The following CRYBG1 variants were observed in gnomAD, a reference collection of about 807,000 sequenced individuals.
CRYBG1 encodes the protein crystallin beta-gamma domain containing 1, also known as beta/gamma crystallin domain-containing protein 1.
In CRYBG1, 139 loss-of-function variants were observed where a neutral mutation model predicts 189.2. The ratio of observed to expected loss-of-function variants is 0.73; its 90% CI spans 0.64 to 0.85. The LOEUF is 0.85. Among genes scored for constraint, CRYBG1 ranks in the 40% least tolerant of loss-of-function variants. The pLI is 0.00. For synonymous variants in CRYBG1, 1,023 were observed against 1,017.1 expected (o/e 1.01, Z -0.11); for missense variants, 2,611 against 2,675.8 (o/e 0.98, Z 0.53).
At chr6:106,451,520 A>T (rs531345008) in intron 1 of CRYBG1, 174 bp from the exon 2 acceptor site, 48 of 520,200 alleles carry the variant, frequency 9.2e-5, no homozygotes, top group Non-Finnish European at 1.4e-4. Context: ...TTTATTTATA[A>T]ATGTGCTATG....
At chr6:106,561,031 C>T in intron 19 of CRYBG1, 105 bp downstream of exon 19, 1 of 1,276,204 alleles carries the variant, frequency 7.8e-7, no homozygotes, top group South Asian at 1.5e-5. Context: ...TTATAACTGG[C>T]CTCACCCTAT....
At chr6:106,464,492 C>A (rs1275840813) in intron 2 of CRYBG1, among the ~76,000 whole-genome samples, 490 of 138,528 alleles carry the variant, frequency 3.5e-3, no homozygotes, top group Admixed American at 4.3e-3. Flanking sequence ...GACTTTGTCT[C>A]AAAAAAAAAA....
chr6:106,436,389 C>G (rs569833201), intron 1 of CRYBG1, among the ~76,000 whole-genome samples: 1 of 151,948 alleles, frequency 6.6e-6, no homozygotes, highest in African/African-American at 2.4e-5. Context: ...GGCTCCGCCT[C>G]CCGGGTTCAC....
chr6:106,467,155 T>C (rs1772131115), intron 2 of CRYBG1, among the ~76,000 whole-genome samples: 1 of 152,130 alleles, frequency 6.6e-6, no homozygotes, highest in South Asian at 2.1e-4. Context: ...AGAAAAATGG[T>C]GTTCCTGGTA....
chr6:106,445,461 A>T (rs1187427011), intron 1 of CRYBG1, among the ~76,000 whole-genome samples: 1 of 152,232 alleles, frequency 6.6e-6, no homozygotes, highest in Non-Finnish European at 1.5e-5. Flanking sequence ...TCCAACCCAG[A>T]CATTCTCCTT....
intron 8 of CRYBG1, among the ~76,000 whole-genome samples, 163 bp downstream of exon 8, chr6:106,530,478 C>T (rs1237377400): frequency 1.3e-5 from 2 of 152,030 alleles, no homozygotes; most frequent in Non-Finnish European, 2.9e-5. Flanking sequence ...GATTCTTTTG[C>T]ACCTATGTTA....
At chr6:106,505,338 C>A (rs1385005386) in intron 2 of CRYBG1, among the ~76,000 whole-genome samples, 1 of 152,124 alleles carries the variant, frequency 6.6e-6, no homozygotes, top group Non-Finnish European at 1.5e-5. Context: ...TCAGGATCTG[C>A]CCACCTTGGC....
chr6:106,427,220 A>T (rs909411957), intron 1 of CRYBG1, among the ~76,000 whole-genome samples: 3 of 152,070 alleles, frequency 2.0e-5, no homozygotes, highest in Non-Finnish European at 2.9e-5. Context: ...CCCAATATCC[A>T]TCTCTGTCTG....
intron 1 of CRYBG1, among the ~76,000 whole-genome samples, chr6:106,443,176 G>T (rs529174063): frequency 6.6e-6 from 1 of 152,264 alleles, no homozygotes; most frequent in Non-Finnish European, 1.5e-5. Context: ...CAGTTTTCTT[G>T]TATTTATAAC....
At chr6:106,447,256 A>G (rs1713858716) in intron 1 of CRYBG1, among the ~76,000 whole-genome samples, 1 of 152,178 alleles carries the variant, frequency 6.6e-6, no homozygotes, top group Non-Finnish European at 1.5e-5. Context: ...ATTTCTCATC[A>G]GGGAGCCAAG....
At chr6:106,492,349 C>T (rs1028507351) in intron 2 of CRYBG1, among the ~76,000 whole-genome samples, 1 of 152,116 alleles carries the variant, frequency 6.6e-6, no homozygotes, top group Non-Finnish European at 1.5e-5. Flanking sequence ...TTCCTATTTT[C>T]ATATTATGTT....
chr6:106,486,345 G>T (rs1365151042), intron 2 of CRYBG1, among the ~76,000 whole-genome samples: 6 of 151,872 alleles, frequency 4.0e-5, no homozygotes, highest in Admixed American at 2.0e-4. Flanking sequence ...ATTTTTCAAG[G>T]CCTGTTTTGT....
At chr6:106,432,862 C>G (rs1399847573) in intron 1 of CRYBG1, among the ~76,000 whole-genome samples, 1 of 110,698 alleles carries the variant, frequency 9.0e-6, no homozygotes, top group African/African-American at 3.4e-5. Flanking sequence ...TTTTTTGAGA[C>G]AGAGTCTCAC....
At chr6:106,551,512 G>C (rs1770725) in intron 13 of CRYBG1, among the ~76,000 whole-genome samples, 12,375 of 152,184 alleles carry the variant, frequency 0.081, 1,608 homozygotes, top group African/African-American at 0.28. Context: ...AGAATAATTC[G>C]TTTTCCCCTG....
chr6:106,553,578 C>T lies in CRYBG1; in HGVS notation c.5585+11C>T, dbSNP rs986127632. The T allele has an allele frequency of 3.2e-6, 5 of 1,557,308 alleles. No homozygotes were observed. The highest frequency in any genetic ancestry group is 1.4e-5 in the African/African-American group (1 of 73,582). On this transcript the variant is annotated intron_variant, in intron 16 of 21. Coordinates refer to ENST00000633556, the MANE Select transcript of CRYBG1 (RefSeq NM_001371242.2). Reference sequence around the variant, plus strand: ...AGTTTCAGGAGGCAGGTAAGTGAAACAAAGGCCTGGCAGAGCTGAATCACT... The same window carrying T: ...AGTTTCAGGAGGCAGGTAAGTGAAATAAAGGCCTGGCAGAGCTGAATCACT...
intron 1 of CRYBG1, among the ~76,000 whole-genome samples, chr6:106,433,243 GATAAT>G (rs1771370518): frequency 6.6e-6 from 1 of 152,186 alleles, no homozygotes; most frequent in African/African-American, 2.4e-5. Flanking sequence ...AGGATAAAGA[GATAAT>G]ATACATGAAA....
intron 8 of CRYBG1, among the ~76,000 whole-genome samples, chr6:106,531,748 A>G (rs1212997459): frequency 6.6e-6 from 1 of 152,206 alleles, no homozygotes. Flanking sequence ...GTGAGCACCC[A>G]AGTAGACACC....
At chr6:106,471,803 TA>T (rs36006580) in intron 2 of CRYBG1, among the ~76,000 whole-genome samples, 23,855 of 135,638 alleles carry the variant, frequency 0.18, 1,995 homozygotes, top group Middle Eastern at 0.26. Context: ...GCCAGACAGT[TA>T]AAAAAAAAAA....
At chr6:106,501,587 G>C (rs1184826452) in intron 2 of CRYBG1, among the ~76,000 whole-genome samples, 1 of 152,220 alleles carries the variant, frequency 6.6e-6, no homozygotes, top group Non-Finnish European at 1.5e-5. Context: ...AGCCATCACT[G>C]TCATAGGCTA....
Sources: allele counts gnomAD v4.1 joint callset (sites outside exome capture counted in the v4.1 genomes callset), GRCh38; gene constraint gnomAD v4.1.1; transcripts MANE v1.5; gene names NCBI Gene and HGNC (gene_info 2026-07-23, HGNC 2026-07-21).